SPPL2B: variants seen among roughly 807,000 people sequenced by gnomAD.
The protein encoded by SPPL2B is signal peptide peptidase like 2B.
SPPL2B carries 39 observed loss-of-function variants against 59.7 expected under a neutral mutation model. The observed-to-expected ratio is 0.65, with a 90% CI of 0.51 to 0.85. The LOEUF (loss-of-function observed/expected upper bound fraction) is 0.85, where lower values mean the gene tolerates loss of function less well. Ranked by LOEUF, SPPL2B falls within the 40% of genes least tolerant of loss-of-function variation. The pLI is 0.00. For synonymous variants in SPPL2B, 419 were observed against 370.8 expected (o/e 1.13, Z -1.49); for missense variants, 865 against 849.0 (o/e 1.02, Z -0.23).
In SPPL2B at chr19:2,352,939, C is replaced by G. The variant is rs1282542112; in HGVS notation, c.1516-7C>G. 6.2e-7 allele frequency: 1 copy of G among 1,612,012 alleles called. No homozygotes were observed. Among genetic ancestry groups the G allele is most frequent in the East Asian group, 2.2e-5 (1 of 44,874 alleles). ...TCCGCCTCACCTCTGCCTCCCTTCT[C>G]CTGTAGAAAGTCCTACCTCCATCTC... On this transcript the variant is annotated splice_polypyrimidine_tract_variant and splice_region_variant and intron_variant, in intron 14 of 14. Coordinates refer to ENST00000613503, the MANE Select transcript of SPPL2B (RefSeq NM_152988.3).
At chr19:2,351,785 G>A in intron 14 of SPPL2B, 191 bp downstream of exon 14, 1 of 783,508 alleles carries the variant, frequency 1.3e-6, no homozygotes, top group Non-Finnish European at 1.9e-6. Context: ...CTCCTGTGCC[G>A]GGTGGGATGC....
chr19:2,351,320 C>A, intron 13 of SPPL2B, 114 bp from the exon 14 acceptor site: 1 of 816,552 alleles, frequency 1.2e-6, no homozygotes, highest in Non-Finnish European at 2.0e-6. Flanking sequence ...GTACCTCTCC[C>A]GTCCTCGCAC....
chr19:2,341,694 C>T, intron 8 of SPPL2B: 2 of 423,552 alleles, frequency 4.7e-6, no homozygotes, highest in African/African-American at 2.0e-5. Flanking sequence ...GCACGTTTAA[C>T]TGGCAGAAGG....
intron 5 of SPPL2B, among the ~76,000 whole-genome samples, chr19:2,339,417 T>C (rs539324117): frequency 6.6e-5 from 10 of 152,160 alleles, no homozygotes; most frequent in Non-Finnish European, 1.3e-4. Flanking sequence ...GGTGGGTGTG[T>C]AGGGCTGGGC....
chr19:2,351,116 G>A (rs1036711744), intron 13 of SPPL2B, among the ~76,000 whole-genome samples: 1 of 152,260 alleles, frequency 6.6e-6, no homozygotes, highest in East Asian at 1.9e-4. Flanking sequence ...AGCCCCCTCC[G>A]CTATCACGTC....
chr19:2,348,998 G>A (rs1278446813), intron 13 of SPPL2B, among the ~76,000 whole-genome samples: 2 of 115,044 alleles, frequency 1.7e-5, no homozygotes, highest in Non-Finnish European at 3.5e-5. Flanking sequence ...ACACACTCAC[G>A]CTCTCATTCG....
At chr19:2,349,763 A>T in intron 13 of SPPL2B, among the ~76,000 whole-genome samples, 2 of 111,548 alleles carry the variant, frequency 1.8e-5, no homozygotes, top group African/African-American at 3.9e-5. Flanking sequence ...ATGCGCTCTC[A>T]TTTGCTTGAT....
intron 5 of SPPL2B, 108 bp downstream of exon 5, chr19:2,339,316 C>T (rs914512847): frequency 3.0e-5 from 38 of 1,275,200 alleles, no homozygotes; most frequent in South Asian, 2.0e-4. Context: ...TCGGCAGGCA[C>T]GGCTCGCCCC....
chr19:2,337,185 G>A (rs1307369860), intron 2 of SPPL2B: 1 of 389,128 alleles, frequency 2.6e-6, no homozygotes, highest in African/African-American at 2.1e-5. Context: ...CGGCTCGCGG[G>A]GTGGCTCAGG....
chr19:2,336,284 G>A (rs547651090), intron 2 of SPPL2B, among the ~76,000 whole-genome samples: 2 of 7,916 alleles, frequency 2.5e-4, no homozygotes, highest in East Asian at 3.4e-3. Context: ...GTGCATGTGT[G>A]TCTGTATGTG....
chr19:2,335,574 C>T (rs529156158), intron 2 of SPPL2B, among the ~76,000 whole-genome samples: 11 of 150,792 alleles, frequency 7.3e-5, no homozygotes, highest in African/African-American at 2.2e-4. Flanking sequence ...ATCCCTCTGG[C>T]CCCGCCTCCT....
intron 9 of SPPL2B, 22 bp downstream of exon 9, chr19:2,343,314 C>T: frequency 1.3e-6 from 2 of 1,543,162 alleles, no homozygotes; most frequent in African/African-American, 1.4e-5. Context: ...GAGGGCACGG[C>T]TGCGGGGCAG....
At chr19:2,336,808 C>T (rs58485185) in intron 2 of SPPL2B, among the ~76,000 whole-genome samples, 3,443 of 108,524 alleles carry the variant, frequency 0.032, 110 homozygotes, top group African/African-American at 0.099. Flanking sequence ...TGTGTGTGTG[C>T]GCGCTGGCCT....
At chr19:2,336,740 C>T (rs771835805) in intron 2 of SPPL2B, among the ~76,000 whole-genome samples, 4 of 149,678 alleles carry the variant, frequency 2.7e-5, no homozygotes, top group Non-Finnish European at 5.9e-5. Flanking sequence ...TGTGGTCCGG[C>T]CTGGCTGTGT....
chr19:2,338,664 TC>T (rs1968799978), intron 3 of SPPL2B, 87 bp from the exon 4 acceptor site: 1 of 882,050 alleles, frequency 1.1e-6, no homozygotes, highest in African/African-American at 1.7e-5. Context: ...CGAGTGAGGG[TC>T]CCAGGAGAGG....
In SPPL2B at chr19:2,339,103, C is replaced by T. The variant is rs139004876; in HGVS notation, c.494C>T (p.Ala165Val). ...FGRTVRAALY[A>V]PKEPVLDYNM... ...CGCACGGTGAGGGCGGCGCTGTATG[C>T]GCCTAAGGAGCCGGTGCTGGACTAC... is the stretch of plus-strand genomic sequence containing the variant. The change falls in exon 5 of 15, where the codon GCG becomes GTG. Residue 165 changes from alanine to valine, a missense_variant. By Grantham distance (64) the Ala-to-Val change is moderately conservative. Coordinates refer to ENST00000613503, the MANE Select transcript of SPPL2B (RefSeq NM_152988.3). 22 of 1,572,464 alleles carry T rather than the reference C, an allele frequency of 1.4e-5. No individual in the cohort carries two copies. Among genetic ancestry groups the T allele is most frequent in the Middle Eastern group, 1.7e-4 (1 of 5,886 alleles).
intron 1 of SPPL2B, among the ~76,000 whole-genome samples, chr19:2,331,324 G>A (rs1694906540): frequency 6.6e-6 from 1 of 152,250 alleles, no homozygotes; most frequent in Admixed American, 6.5e-5. Context: ...CTGAACCTGT[G>A]TGCGGTTGCA....
intron 14 of SPPL2B, among the ~76,000 whole-genome samples, chr19:2,352,404 C>T (rs933386236): frequency 6.6e-6 from 1 of 152,190 alleles, no homozygotes; most frequent in African/African-American, 2.4e-5. Context: ...CGCTTCTCAG[C>T]GGTGCTGGCC....
intron 13 of SPPL2B, among the ~76,000 whole-genome samples, chr19:2,345,696 A>T: frequency 7.0e-6 from 1 of 142,706 alleles, no homozygotes; most frequent in African/African-American, 2.7e-5. Context: ...CCTCTTTCTC[A>T]TTCTTCCTGG....
Sources: gnomAD v4.1 joint callset for allele counts (sites outside exome capture counted in the v4.1 genomes callset) on GRCh38, gnomAD v4.1.1 for gene constraint, MANE v1.5 for transcripts, NCBI Gene and HGNC (gene_info 2026-07-23, HGNC 2026-07-21) for gene names.